Variants in SFSWAP observed in about 807,000 individuals in gnomAD.
SFSWAP encodes splicing factor, suppressor of white-apricot homolog.
Under a neutral mutation model 100.7 loss-of-function variants are expected in SFSWAP, and 17 were observed. That is an observed-to-expected ratio of 0.17 (90% CI 0.12 to 0.25). The LOEUF (loss-of-function observed/expected upper bound fraction) is 0.25. SFSWAP is among the 10% of genes least tolerant of loss of function. The probability of loss-of-function intolerance (pLI) is 1.00; values close to 1 mark genes in which losing one functional copy is unlikely to be tolerated. For missense variants in SFSWAP, 1,005 were observed against 1,262.6 expected, an observed-to-expected ratio of 0.80 and a Z score of 3.09; for synonymous variants, 504 against 510.1, an observed-to-expected ratio of 0.99 and a Z score of 0.16.
rs1878255428 is a variant in SFSWAP, at chr12:131,719,465, G to A, written c.532G>A (p.Ala178Thr). Residue 178 changes from alanine (A) to threonine (T), a missense_variant, in exon 4 of 18, where the codon GCC (alanine) becomes ACC (threonine). Coordinates refer to ENST00000261674, the MANE Select transcript of SFSWAP (RefSeq NM_004592.4). ...EPSKQREKNE[A>T]ENLEENEEPF... ...TTCTTTTTATGCAGAAAAAAATGAG[G>A]CCGAAAATTTAGAGGAAAATGAAGA... 2 of 1,613,970 alleles carry A rather than the reference G, an allele frequency of 1.2e-6. No homozygotes were observed. Among genetic ancestry groups the A allele is most frequent in the Non-Finnish European group, 1.7e-6 (2 of 1,179,934 alleles).
At chr12:131,719,958 G>A (rs999292112) in intron 4 of SFSWAP, among the ~76,000 whole-genome samples, 3 of 152,156 alleles carry the variant, frequency 2.0e-5, no homozygotes, top group African/African-American at 4.8e-5. Context: ...GTCACTTCAC[G>A]TTACATTTTC....
intron 7 of SFSWAP, among the ~76,000 whole-genome samples, chr12:131,740,062 G>C (rs11246786): frequency 6.6e-6 from 1 of 152,088 alleles, no homozygotes; most frequent in African/African-American, 2.4e-5. Context: ...TAAAACTCTT[G>C]GGTAATGCTG....
At chr12:131,763,988 T>C (rs1477011077) in intron 11 of SFSWAP, among the ~76,000 whole-genome samples, 1 of 152,112 alleles carries the variant, frequency 6.6e-6, no homozygotes, top group Non-Finnish European at 1.5e-5. Flanking sequence ...TAGCCAGGCA[T>C]GGCAGCGGGC....
chr12:131,734,796 C>T lies in SFSWAP; in HGVS notation c.1081+6368C>T, dbSNP rs139198259. On this transcript the variant is annotated intron_variant, in intron 7 of 17. Transcript: ENST00000261674. The surrounding 1 kb of genome is among the most constrained non-coding windows in gnomAD (Gnocchi z 4.9). ...AGGTGAGATGAACGAGCTCTCCCTG[C>T]GTGCGCACGTCTACGTACGCTCGTG... Among the ~76,000 whole-genome samples the T allele has an allele frequency of 9.6e-4, 146 of 152,224 alleles. 1 individual carries two copies. The highest frequency in any genetic ancestry group is 9.3e-3 in the Admixed American group (142 of 15,296).
intron 14 of SFSWAP, among the ~76,000 whole-genome samples, chr12:131,780,329 T>C (rs1490512472): frequency 6.6e-6 from 1 of 152,204 alleles, no homozygotes; most frequent in African/African-American, 2.4e-5. Context: ...CCCAGGAACT[T>C]GTATTGTATA....
chr12:131,792,180 A>G (rs922379911), intron 15 of SFSWAP, among the ~76,000 whole-genome samples: 6 of 145,734 alleles, frequency 4.1e-5, no homozygotes, highest in South Asian at 4.3e-4. Flanking sequence ...GTGTGTTCAC[A>G]GATCATTACT....
At chr12:131,792,144 C>T (rs56007255) in intron 15 of SFSWAP, among the ~76,000 whole-genome samples, 20,139 of 149,640 alleles carry the variant, frequency 0.13, 1,926 homozygotes, top group East Asian at 0.51. Flanking sequence ...TGTGTGTTCA[C>T]GGATCGTTAC....
At chr12:131,790,807 A>C (rs931869344) in intron 15 of SFSWAP, among the ~76,000 whole-genome samples, 2 of 152,250 alleles carry the variant, frequency 1.3e-5, no homozygotes, top group Admixed American at 6.5e-5. Context: ...ATCTGCCTTT[A>C]TACATGAAAT....
intron 7 of SFSWAP, among the ~76,000 whole-genome samples, chr12:131,750,837 G>T (rs1881554287): frequency 6.6e-6 from 1 of 152,194 alleles, no homozygotes; most frequent in Non-Finnish European, 1.5e-5. Flanking sequence ...GACTGTAGAT[G>T]TGTACCATGC....
chr12:131,739,027 G>GT (rs1407312788), intron 7 of SFSWAP, among the ~76,000 whole-genome samples: 1 of 151,724 alleles, frequency 6.6e-6, no homozygotes, highest in Non-Finnish European at 1.5e-5. Context: ...CCACAGGCAT[G>GT]TGCCACCACA....
chr12:131,771,064 G>A (rs150873104), intron 13 of SFSWAP, among the ~76,000 whole-genome samples: 17 of 152,264 alleles, frequency 1.1e-4, no homozygotes, highest in East Asian at 7.7e-4. Flanking sequence ...CATCTACCCC[G>A]TTTGTTTCCG....
chr12:131,754,318 G>A, intron 8 of SFSWAP, 50 bp from the exon 9 acceptor site: 2 of 1,451,916 alleles, frequency 1.4e-6, no homozygotes, highest in Admixed American at 2.6e-5. Flanking sequence ...CCAGGACTGA[G>A]CTTGGCGAGC....
rs376159769 is a variant in SFSWAP, at chr12:131,725,461, G to A, written c.663G>A (p.Arg221=). ...IIERTASFVC[R]QGAQFEIMLK... is the part of the protein sequence containing the mutation. ...AGCGCACGGCCAGCTTCGTGTGCAGGCAGGGAGCACAGTTTGAGATCATGC... is the reference window on the plus strand; with the variant it reads ...AGCGCACGGCCAGCTTCGTGTGCAGACAGGGAGCACAGTTTGAGATCATGC... Residue 221 remains arginine, a synonymous_variant, in exon 5 of 18, where the codon AGG becomes AGA. Coordinates refer to ENST00000261674, the MANE Select transcript of SFSWAP (RefSeq NM_004592.4). The surrounding 1 kb of genome is among the most constrained non-coding windows in gnomAD (Gnocchi z 4.3). 4.9e-5 allele frequency: 79 copies of A among 1,614,036 alleles called. No individual in the cohort carries two copies. Among genetic ancestry groups the A allele is most frequent in the East Asian group, 3.8e-4 (17 of 44,892 alleles).
intron 14 of SFSWAP, chr12:131,784,873 A>G: frequency 2.3e-6 from 1 of 435,680 alleles, no homozygotes; most frequent in Admixed American, 3.9e-5. Context: ...ACAAAATGGT[A>G]TTGTATTTCA....
rs1278680118 is a variant in SFSWAP at position 131,778,413 on chromosome 12, G to A, written c.2408+83G>A. The A allele has an allele frequency of 2.0e-5, 30 of 1,537,592 alleles. No homozygotes were observed. Among genetic ancestry groups the A allele is most frequent in the Admixed American group, 6.5e-5 (3 of 46,018 alleles). On this transcript the variant is annotated intron_variant, in intron 14 of 17. Coordinates refer to ENST00000261674, the MANE Select transcript of SFSWAP (RefSeq NM_004592.4). The surrounding 1 kb of genome is among the most constrained non-coding windows in gnomAD (Gnocchi z 4.2). The stretch of plus-strand genomic sequence containing the variant: ...GACACCCAGTAGAGCTAGGTAGAAC[G>A]TTTAAAATCAGTGCCGCTTTCATTA...
At position 131,714,803 on chromosome 12, in the gene SFSWAP, A is replaced by C. The variant is rs754713591; in HGVS notation, c.389-19A>C. On this transcript the variant is annotated intron_variant, in intron 2 of 17. Transcript: ENST00000261674. The surrounding 1 kb of genome is among the most constrained non-coding windows in gnomAD (Gnocchi z 6.0). ...GTAATTTTCTATTTTTGTTGATAAA[A>C]TTCTCATTTTTATTCAAGAGGAAGA... 4 of 1,607,808 alleles carry C rather than the reference A, an allele frequency of 2.5e-6. No individual in the cohort carries two copies. The East Asian group carries it at 8.9e-5, about 36-fold the overall frequency.
intron 4 of SFSWAP, chr12:131,723,404 G>A (rs1878668996): frequency 6.6e-6 from 1 of 152,078 alleles, no homozygotes; most frequent in Admixed American, 6.6e-5. Context: ...ATTCCTTATG[G>A]CTTCAGAATT....
intron 7 of SFSWAP, among the ~76,000 whole-genome samples, chr12:131,752,168 C>T (rs999322878): frequency 6.6e-6 from 1 of 152,138 alleles, no homozygotes; most frequent in African/African-American, 2.4e-5. Flanking sequence ...CATAGTTAAG[C>T]TTTTACTGTT....
intron 7 of SFSWAP, among the ~76,000 whole-genome samples, chr12:131,746,931 G>C (rs34608281): frequency 0.28 from 43,210 of 151,770 alleles, 7,488 homozygotes; most frequent in Non-Finnish European, 0.4. Context: ...GGTGAAACCC[G>C]GTCTCTACTA....
Sources: allele counts gnomAD v4.1 joint callset (sites outside exome capture counted in the v4.1 genomes callset), GRCh38; gene constraint gnomAD v4.1.1; non-coding constraint Gnocchi (gnomAD v3.1); transcripts MANE v1.5; gene names NCBI Gene and HGNC (gene_info 2026-07-23, HGNC 2026-07-21).